The following PAQR3 variants were observed in gnomAD, a reference collection of about 807,000 sequenced individuals.
PAQR3 encodes the protein Raf kinase trapping to Golgi.
Under a neutral mutation model 41.7 loss-of-function variants are expected in PAQR3, and 39 were observed. The ratio of observed to expected loss-of-function variants is 0.93; its 90% CI spans 0.72 to 1.22. The LOEUF (loss-of-function observed/expected upper bound fraction) is 1.22. PAQR3 is among the 50% of genes most tolerant of loss of function. The pLI, the probability that PAQR3 is intolerant of heterozygous loss-of-function variation, is 0.00. For missense variants in PAQR3, 366 were observed against 385.6 expected (o/e 0.95, Z 0.42); for synonymous variants, 140 against 140.6 (o/e 1.00, Z 0.03).
chr4:78,893,530 C>G (rs1337589534), intron 11 of PAQR3, among the ~76,000 whole-genome samples: 1 of 152,196 alleles, frequency 6.6e-6, no homozygotes, highest in East Asian at 1.9e-4. Flanking sequence ...AATTCACTAT[C>G]TGTAACAGTT....
chr4:78,939,014 T>G, intron 1 of PAQR3, 26 bp downstream of exon 1: 4 of 1,553,274 alleles, frequency 2.6e-6, no homozygotes, highest in Non-Finnish European at 3.5e-6. Flanking sequence ...AAGGGGGCAC[T>G]CCAGGCGGAG....
intron 4 of PAQR3, 121 bp downstream of exon 4, chr4:78,926,400 A>G: frequency 1.3e-6 from 1 of 793,430 alleles, no homozygotes; most frequent in Non-Finnish European, 2.0e-6. Context: ...ACATGCAATT[A>G]CAAATATGTT....
intron 4 of PAQR3, among the ~76,000 whole-genome samples, chr4:78,924,348 G>A (rs773524001): frequency 5.9e-5 from 9 of 152,132 alleles, no homozygotes; most frequent in Non-Finnish European, 1.2e-4. Context: ...CAGATAAATG[G>A]TCCTCTTGAA....
At chr4:78,906,023 T>C (rs778317860) in intron 11 of PAQR3, 4 of 152,112 alleles carry the variant, frequency 2.6e-5, no homozygotes, top group Non-Finnish European at 5.9e-5. Flanking sequence ...TTTATTTTTG[T>C]GTAATTCACC....
At chr4:78,909,660 A>T (rs1228126046), downstream of PAQR3, among the ~76,000 whole-genome samples, 2 of 151,984 alleles carry the variant, frequency 1.3e-5, no homozygotes, top group Non-Finnish European at 2.9e-5. Flanking sequence ...GCTCCTTCTC[A>T]TTGTTCAATC....
At chr4:78,900,998 C>G (rs1733970857) in intron 11 of PAQR3, among the ~76,000 whole-genome samples, 2 of 152,086 alleles carry the variant, frequency 1.3e-5, no homozygotes, top group Non-Finnish European at 1.5e-5. Flanking sequence ...AGTTAAAAAT[C>G]TTAGTTCTAT....
At position 78,923,875 on chromosome 4, in the gene PAQR3, G is replaced by A; in HGVS notation, c.775C>T (p.Pro259Ser). The A allele has an allele frequency of 6.2e-7, 1 of 1,612,158 alleles. No homozygotes were observed. Residue 259 changes from proline to serine, a missense_variant, in exon 5 of 6, where the codon CCA (proline) becomes TCA (serine). Coordinates refer to ENST00000512733, the MANE Select transcript of PAQR3 (RefSeq NM_001040202.2). ...LAFLFYISKVPERYFPGQLNY... is the reference protein window; with the variant it reads ...LAFLFYISKVSERYFPGQLNY... ...TACCTACCTGGAAAGTACCGCTCTGGGACTTTGGAAATGTAGAATAGGAAA... is the reference window on the plus strand; with the variant it reads ...TACCTACCTGGAAAGTACCGCTCTGAGACTTTGGAAATGTAGAATAGGAAA...
At chr4:78,927,555 C>T (rs1428649936) in intron 3 of PAQR3, among the ~76,000 whole-genome samples, 1 of 152,236 alleles carries the variant, frequency 6.6e-6, no homozygotes, top group Non-Finnish European at 1.5e-5. Context: ...TAATGGCTGA[C>T]TGGCTGTGTG....
intron 11 of PAQR3, among the ~76,000 whole-genome samples, chr4:78,901,220 T>C (rs917746261): frequency 3.3e-5 from 5 of 150,444 alleles, no homozygotes; most frequent in Non-Finnish European, 7.4e-5. Flanking sequence ...CTTTTTTATT[T>C]TATTTTATTA....
downstream of PAQR3, chr4:78,911,602 C>T: frequency 6.2e-7 from 1 of 1,613,794 alleles, no homozygotes. Flanking sequence ...AGAGAGGGCT[C>T]GCAGGCACAA....
chr4:78,917,690 A>AGCAGGAATTC lies in PAQR3; in HGVS notation c.*2839_*2848dup. The AGCAGGAATTC allele has an allele frequency of 1.7e-5, 9 of 519,948 alleles. No homozygotes were observed. Among genetic ancestry groups the AGCAGGAATTC allele is most frequent in the Non-Finnish European group, 2.2e-5 (9 of 405,004 alleles). 32.2% of individuals were successfully genotyped at this position (519,948 alleles called of 1,614,324 possible). On this transcript the variant is annotated 3_prime_UTR_variant, in exon 6 of 6. Coordinates refer to ENST00000512733, the MANE Select transcript of PAQR3 (RefSeq NM_001040202.2). ...AGGGACCTAATGCAGCAAAGCAACCAGCAGGAATTCACAGGAATAGGCTTT... is the reference window on the plus strand; with the variant it reads ...AGGGACCTAATGCAGCAAAGCAACCAGCAGGAATTCGCAGGAATTCACAGGAATAGGCTTT...
At chr4:78,887,153 C>T (rs760529698) in exon 13 of PAQR3, 14 of 1,413,880 alleles carry the variant, frequency 9.9e-6, no homozygotes, top group East Asian at 2.4e-5. Flanking sequence ...TTTTTTATTT[C>T]GTTTCATCTT....
chr4:78,899,555 T>G (rs1375753144), intron 11 of PAQR3, among the ~76,000 whole-genome samples: 2 of 151,978 alleles, frequency 1.3e-5, no homozygotes, highest in Non-Finnish European at 2.9e-5. Context: ...AAAATTCAGG[T>G]TAATTCTAAC....
In PAQR3 at chr4:78,920,179, A is replaced by T; in HGVS notation, c.*360T>A. 1 of 997,854 alleles carries T rather than the reference A, an allele frequency of 1.0e-6. No homozygotes were observed. The highest frequency in any genetic ancestry group is 4.6e-5 in the South Asian group (1 of 21,588). The allele number at this position is 997,854 out of a possible 1,614,324, so 61.8% of individuals were successfully genotyped here. A position where few individuals can be genotyped will look rare whatever the true frequency, so the allele number is the denominator to read the frequency against. ...CAATTAACTGAAAATAATTAAGCAC[A>T]TAAGATGACTCCATTTTCTAATGGA... On this transcript the variant is annotated 3_prime_UTR_variant, in exon 6 of 6. Transcript: ENST00000512733.
intron 11 of PAQR3, among the ~76,000 whole-genome samples, chr4:78,903,219 T>TTCATGTTCTTGTA (rs1261251490): frequency 2.0e-5 from 3 of 151,874 alleles, no homozygotes; most frequent in African/African-American, 7.2e-5. Context: ...AATGGGCAAA[T>TTCATGTTCTTGTA]TCATGTTCTT....
intron 3 of PAQR3, among the ~76,000 whole-genome samples, chr4:78,928,916 T>C (rs1002709236): frequency 2.0e-5 from 3 of 152,250 alleles, no homozygotes; most frequent in African/African-American, 7.2e-5. Context: ...TGACAGATCA[T>C]CAAGCATTAC....
intron 11 of PAQR3, chr4:78,899,271 G>A (rs1733874411): frequency 6.6e-6 from 1 of 152,182 alleles, no homozygotes; most frequent in Non-Finnish European, 1.5e-5. Context: ...GACCTTGAAG[G>A]AAAGAGAGGA....
downstream of PAQR3, among the ~76,000 whole-genome samples, chr4:78,909,876 C>G (rs927896616): frequency 6.6e-6 from 1 of 152,114 alleles, no homozygotes; most frequent in Non-Finnish European, 1.5e-5. Context: ...ATATTTCTTT[C>G]GTTGAATGAA....
rs972730214 is a variant in PAQR3, at chr4:78,935,337, C to T, written c.186-54G>A. On this transcript the variant is annotated intron_variant, in intron 1 of 5. Transcript: ENST00000512733. ...ATTCACATTGGCCAACTTACTGTCACGTTCAAAGGTTAGGGACAATTTTGA... is the reference window on the plus strand; with the variant it reads ...ATTCACATTGGCCAACTTACTGTCATGTTCAAAGGTTAGGGACAATTTTGA... The T allele has an allele frequency of 2.0e-5, 30 of 1,531,614 alleles. No individual in the cohort carries two copies. In the African/African-American group the frequency reaches 3.6e-4, roughly 18 times the overall value. The allele number at this position is 1,531,614 out of a possible 1,614,324, so 94.9% of individuals were successfully genotyped here. A position where few individuals can be genotyped will look rare whatever the true frequency, so the allele number is the denominator to read the frequency against.
Sources: gnomAD v4.1 joint callset for allele counts (sites outside exome capture counted in the v4.1 genomes callset) on GRCh38, gnomAD v4.1.1 for gene constraint, MANE v1.5 for transcripts, NCBI Gene and HGNC (gene_info 2026-07-23, HGNC 2026-07-21) for gene names.